Variants in CHRM2 observed in about 807,000 individuals in gnomAD.
The protein encoded by CHRM2 is muscarinic acetylcholine receptor M2.
A neutral mutation model predicts 25.0 loss-of-function variants in CHRM2; 8 were observed. That is an observed-to-expected ratio of 0.32 (90% confidence interval 0.19 to 0.58). The LOEUF (loss-of-function observed/expected upper bound fraction) is 0.58, where lower values mean the gene tolerates loss of function less well. Ranked by LOEUF, CHRM2 falls within the 20% of genes least tolerant of loss-of-function variation. CHRM2 has a pLI of 0.88. For synonymous variants in CHRM2, 202 were observed against 205.7 expected (o/e 0.98, Z 0.15); for missense variants, 440 against 567.1 (o/e 0.78, Z 2.28).
intron 3 of CHRM2, among the ~76,000 whole-genome samples, chr7:137,004,338 C>CT (rs982065452): frequency 6.6e-6 from 1 of 152,138 alleles, no homozygotes; most frequent in Non-Finnish European, 1.5e-5. Flanking sequence ...GGAAATGCCA[C>CT]TTTTTTATCC....
chr7:136,963,279 T>A (rs1801210031), intron 2 of CHRM2, among the ~76,000 whole-genome samples: 1 of 152,222 alleles, frequency 6.6e-6, no homozygotes, highest in Non-Finnish European at 1.5e-5. Flanking sequence ...TGTTTTCCGT[T>A]AATTAATACA....
At chr7:136,926,354 T>C (rs1404721910) in intron 2 of CHRM2, among the ~76,000 whole-genome samples, 1 of 152,196 alleles carries the variant, frequency 6.6e-6, no homozygotes, top group Non-Finnish European at 1.5e-5. Flanking sequence ...CTATGACGTG[T>C]CAGGCAGGAA....
At chr7:136,891,960 T>A (rs527394662) in intron 2 of CHRM2, among the ~76,000 whole-genome samples, 1 of 152,312 alleles carries the variant, frequency 6.6e-6, no homozygotes, top group East Asian at 1.9e-4. Context: ...TTTATCTAAC[T>A]TTTACTTCAT....
chr7:136,981,435 A>G (rs1802481049), intron 2 of CHRM2, among the ~76,000 whole-genome samples: 3 of 152,060 alleles, frequency 2.0e-5, no homozygotes, highest in Non-Finnish European at 2.9e-5. Context: ...TCATGTCTCT[A>G]TCTCCTTCAC....
At chr7:136,905,154 C>T (rs1057399614) in intron 2 of CHRM2, among the ~76,000 whole-genome samples, 2 of 151,718 alleles carry the variant, frequency 1.3e-5, no homozygotes, top group Non-Finnish European at 2.9e-5. Context: ...AATTGTCTTA[C>T]AAATTTCTAA....
At chr7:136,894,597 C>T (rs1197045326) in intron 2 of CHRM2, among the ~76,000 whole-genome samples, 2 of 152,098 alleles carry the variant, frequency 1.3e-5, no homozygotes, top group Admixed American at 1.3e-4. Flanking sequence ...GTCTCGAACT[C>T]CTGACCTCAG....
intron 2 of CHRM2, among the ~76,000 whole-genome samples, chr7:136,921,192 T>C (rs1798408775): frequency 6.6e-6 from 1 of 152,070 alleles, no homozygotes; most frequent in African/African-American, 2.4e-5. Flanking sequence ...ACCCCTGTCA[T>C]TTACTAACCT....
intron 2 of CHRM2, among the ~76,000 whole-genome samples, chr7:136,946,703 T>C (rs558735933): frequency 1.3e-5 from 2 of 152,330 alleles, no homozygotes; most frequent in South Asian, 4.1e-4. Flanking sequence ...ATAATGCTAC[T>C]CATTTGTAAA....
At chr7:136,905,581 T>C (rs1797490707) in intron 2 of CHRM2, among the ~76,000 whole-genome samples, 1 of 151,792 alleles carries the variant, frequency 6.6e-6, no homozygotes, top group Admixed American at 6.6e-5. Flanking sequence ...TTCTTCTGTT[T>C]TAGTTTGCCT....
At chr7:136,924,306 C>T (rs1177486448) in intron 2 of CHRM2, among the ~76,000 whole-genome samples, 1 of 151,636 alleles carries the variant, frequency 6.6e-6, no homozygotes, top group African/African-American at 2.4e-5. Flanking sequence ...TGGTGTGCTG[C>T]ACCCAGTAAC....
chr7:136,910,633 C>T (rs1320844106), intron 2 of CHRM2, among the ~76,000 whole-genome samples: 1 of 151,898 alleles, frequency 6.6e-6, no homozygotes, highest in African/African-American at 2.4e-5. Flanking sequence ...CACAGCTAAA[C>T]CTGCCATCAT....
rs1319333102 is a variant in CHRM2, at chr7:136,893,753, A to C, written c.-125+24335A>C. ...AATTTCTAAGTGTTATTATGCTGAT[A>C]TACCACCTTTTTACATGAGCAAAAC... On this transcript the variant is annotated intron_variant, in intron 2 of 3. Transcript: ENST00000680005. 7.9e-5 allele frequency among the ~76,000 whole-genome samples: 12 copies of C among 152,220 alleles called. 1 individual carries two copies. The highest frequency in any genetic ancestry group is 7.9e-4 in the Admixed American group (12 of 15,280).
chr7:136,927,788 A>T (rs1798833897), intron 2 of CHRM2, among the ~76,000 whole-genome samples: 1 of 152,192 alleles, frequency 6.6e-6, no homozygotes, highest in African/African-American at 2.4e-5. Context: ...ACCAGGAAAA[A>T]ATATTTAAAT....
intron 2 of CHRM2, among the ~76,000 whole-genome samples, chr7:136,923,628 A>G (rs1798577549): frequency 6.6e-6 from 1 of 152,168 alleles, no homozygotes; most frequent in Non-Finnish European, 1.5e-5. Flanking sequence ...TAAAATCTCA[A>G]CTTGCATGTG....
intron 2 of CHRM2, among the ~76,000 whole-genome samples, chr7:136,980,940 G>C (rs1423844655): frequency 1.3e-5 from 2 of 152,178 alleles, no homozygotes; most frequent in African/African-American, 4.8e-5. Flanking sequence ...TTGGTATCAG[G>C]ATGATGCTGG....
chr7:136,881,172 T>C (rs2130505169), intron 2 of CHRM2, among the ~76,000 whole-genome samples: 1 of 150,172 alleles, frequency 6.7e-6, no homozygotes, highest in South Asian at 2.1e-4. Flanking sequence ...CTGATTTTTT[T>C]ACTGTCACTA....
At chr7:136,973,599 ACGG>A (rs1801921014) in intron 2 of CHRM2, among the ~76,000 whole-genome samples, 2 of 104,644 alleles carry the variant, frequency 1.9e-5, no homozygotes, top group African/African-American at 7.0e-5. Flanking sequence ...GTAGGTGATG[ACGG>A]TGATGGTGTT....
At chr7:136,955,270 C>T (rs1490654987) in intron 2 of CHRM2, among the ~76,000 whole-genome samples, 1 of 152,112 alleles carries the variant, frequency 6.6e-6, no homozygotes, top group African/African-American at 2.4e-5. Flanking sequence ...TTAAATAACT[C>T]AATTCTTATG....
chr7:137,016,346 ATC>A lies in CHRM2; in HGVS notation c.*84_*85del. 7.3e-7 allele frequency: 1 copy of A among 1,368,926 alleles called. No homozygotes were observed. Among genetic ancestry groups the A allele is most frequent in the Non-Finnish European group, 1.0e-6 (1 of 964,534 alleles). 84.8% of individuals were successfully genotyped at this position (1,368,926 alleles called of 1,614,324 possible). ...GGATAAACGAGCTCCTAGTTTTAAA[ATC>A]TCTGCCATTGCACTTTATAGTCTGA... is the stretch of plus-strand genomic sequence containing the variant. On this transcript the variant is annotated 3_prime_UTR_variant, in exon 4 of 4. Coordinates refer to ENST00000680005, the MANE Select transcript of CHRM2 (RefSeq NM_001006630.2).
Sources: gnomAD v4.1 joint callset for allele counts (sites outside exome capture counted in the v4.1 genomes callset) on GRCh38, gnomAD v4.1.1 for gene constraint, MANE v1.5 for transcripts, NCBI Gene and HGNC (gene_info 2026-07-23, HGNC 2026-07-21) for gene names.